Variants in PIP5K1B observed in about 807,000 individuals in gnomAD.
The protein encoded by PIP5K1B is phosphatidylinositol 4-phosphate 5-kinase type-1 beta.
In PIP5K1B, 42 loss-of-function variants were observed where a neutral mutation model predicts 67.0. The observed-to-expected ratio is 0.63, with a 90% confidence interval of 0.49 to 0.81. The LOEUF is 0.81. Ranked by LOEUF, PIP5K1B falls within the 30% of genes least tolerant of loss-of-function variation. The pLI, the probability that PIP5K1B is intolerant of heterozygous loss-of-function variation, is 0.00. For missense variants in PIP5K1B, 459 were observed against 646.3 expected (o/e 0.71, Z 3.14); for synonymous variants, 214 against 231.4 (o/e 0.92, Z 0.68).
chr9:68,845,606 C>T (rs762586411), intron 4 of PIP5K1B, among the ~76,000 whole-genome samples: 1 of 152,174 alleles, frequency 6.6e-6, no homozygotes, highest in Non-Finnish European at 1.5e-5. Context: ...AGCGTGGGAG[C>T]TGCAGGCAGG....
chr9:68,806,167 C>T (rs1249353723), intron 2 of PIP5K1B, among the ~76,000 whole-genome samples: 1 of 152,224 alleles, frequency 6.6e-6, no homozygotes, highest in Non-Finnish European at 1.5e-5. Flanking sequence ...TTGGTTCCTT[C>T]TGCAGCTGGG....
At chr9:68,803,474 G>GA (rs1183601964) in intron 2 of PIP5K1B, among the ~76,000 whole-genome samples, 1 of 152,184 alleles carries the variant, frequency 6.6e-6, no homozygotes, top group Non-Finnish European at 1.5e-5. Flanking sequence ...GAGAGCCCAA[G>GA]AAAAAGTGTT....
intron 2 of PIP5K1B, among the ~76,000 whole-genome samples, chr9:68,756,025 T>C (rs1829907393): frequency 6.6e-6 from 1 of 152,234 alleles, no homozygotes; most frequent in Non-Finnish European, 1.5e-5. Flanking sequence ...TGGCACTGAT[T>C]ACAGACTATT....
At chr9:68,752,645 A>T (rs1421302332) in intron 2 of PIP5K1B, among the ~76,000 whole-genome samples, 1 of 151,844 alleles carries the variant, frequency 6.6e-6, no homozygotes, top group Non-Finnish European at 1.5e-5. Flanking sequence ...CCCATATTTC[A>T]TCTCATCTTT....
chr9:68,840,976 T>C (rs993755576), intron 4 of PIP5K1B, among the ~76,000 whole-genome samples: 1 of 152,220 alleles, frequency 6.6e-6, no homozygotes, highest in African/African-American at 2.4e-5. Flanking sequence ...CCTTTGTCAT[T>C]ACTGTCAGTC....
intron 5 of PIP5K1B, among the ~76,000 whole-genome samples, chr9:68,874,239 C>A (rs1339035765): frequency 6.6e-6 from 1 of 152,190 alleles, no homozygotes; most frequent in African/African-American, 2.4e-5. Context: ...ACAGTTGGCC[C>A]ATACTTCTCC....
At chr9:68,713,574 A>C (rs1827496857) in intron 1 of PIP5K1B, among the ~76,000 whole-genome samples, 1 of 152,160 alleles carries the variant, frequency 6.6e-6, no homozygotes, top group South Asian at 2.1e-4. Context: ...GTGTTGAGGG[A>C]GTGCTATCTG....
intron 2 of PIP5K1B, among the ~76,000 whole-genome samples, chr9:68,753,625 C>A (rs1176689284): frequency 7.3e-6 from 1 of 137,074 alleles, no homozygotes; most frequent in Non-Finnish European, 1.5e-5. Context: ...CCTGGGTTCA[C>A]GCCATTCTCC....
chr9:68,724,189 G>A (rs937168791), intron 1 of PIP5K1B, among the ~76,000 whole-genome samples: 19 of 150,854 alleles, frequency 1.3e-4, no homozygotes, highest in African/African-American at 4.1e-4. Flanking sequence ...GCAAGTGTGT[G>A]GATTGATTTC....
At chr9:68,787,683 A>C (rs1286146581) in intron 2 of PIP5K1B, among the ~76,000 whole-genome samples, 1 of 151,700 alleles carries the variant, frequency 6.6e-6, no homozygotes, top group Non-Finnish European at 1.5e-5. Flanking sequence ...CGCAGGCTGG[A>C]GTGCAGGGGT....
chr9:68,936,107 CAG>C (rs762756589), intron 13 of PIP5K1B: 3 of 152,194 alleles, frequency 2.0e-5, no homozygotes, highest in East Asian at 1.9e-4. Flanking sequence ...TTTTTAAAAA[CAG>C]TATCTTTTTT....
chr9:68,857,604 G>A (rs963224518), intron 4 of PIP5K1B, among the ~76,000 whole-genome samples: 22 of 152,302 alleles, frequency 1.4e-4, no homozygotes, highest in Non-Finnish European at 2.5e-4. Flanking sequence ...GGCGGCTCAC[G>A]CCTGTAATCT....
chr9:68,989,400 G>A (rs1830258092), intron 14 of PIP5K1B, among the ~76,000 whole-genome samples: 1 of 152,058 alleles, frequency 6.6e-6, no homozygotes, highest in African/African-American at 2.4e-5. Context: ...AGAGGAAGAG[G>A]AGAGATGAAG....
intron 4 of PIP5K1B, among the ~76,000 whole-genome samples, chr9:68,836,677 GT>G (rs201605764): frequency 2.2e-3 from 333 of 150,682 alleles, no homozygotes; most frequent in Middle Eastern, 0.014. Flanking sequence ...CATTTTTTTT[GT>G]TTTTTTTTAT....
intron 14 of PIP5K1B, among the ~76,000 whole-genome samples, chr9:68,983,398 G>A (rs1829969279): frequency 1.3e-5 from 2 of 152,138 alleles, no homozygotes; most frequent in South Asian, 4.1e-4. Context: ...GGCAGAGCAA[G>A]GAGAGTTTGC....
At position 68,847,413 on chromosome 9, in the gene PIP5K1B, T is replaced by TTGTGTGTGTGTGTGTGTG. The variant is rs777818994; in HGVS notation, c.70-16390_70-16373dup. Reference sequence around the variant, plus strand: ...TAAATCAGCAACAACAGCAGTGGTTTTGTGTGTGTGTGTGTGTGTGTGTGT... The same window carrying TTGTGTGTGTGTGTGTGTG: ...TAAATCAGCAACAACAGCAGTGGTTTTGTGTGTGTGTGTGTGTGTGTGTGTGTGTGTGTGTGTGTGTGT... On this transcript the variant is annotated intron_variant, in intron 4 of 15. Transcript: ENST00000265382. Among the ~76,000 whole-genome samples the TTGTGTGTGTGTGTGTGTG allele has an allele frequency of 1.8e-3, 179 of 101,640 alleles. 8 individuals are homozygous for TTGTGTGTGTGTGTGTGTG. Among genetic ancestry groups the TTGTGTGTGTGTGTGTGTG allele is most frequent in the East Asian group, 7.9e-3 (25 of 3,172 alleles). 66.7% of individuals were successfully genotyped at this position (101,640 alleles called of 152,430 possible).
At chr9:68,899,258 C>T (rs938163859) in intron 8 of PIP5K1B, among the ~76,000 whole-genome samples, 17 of 152,166 alleles carry the variant, frequency 1.1e-4, no homozygotes, top group African/African-American at 2.9e-4. Flanking sequence ...CCTCCAAGAC[C>T]GTGCTGTTGT....
chr9:68,815,645 C>G (rs1287702363), intron 2 of PIP5K1B, among the ~76,000 whole-genome samples: 1 of 151,604 alleles, frequency 6.6e-6, no homozygotes, highest in African/African-American at 2.4e-5. Flanking sequence ...GAGTTATAAA[C>G]AGAAAAAAAC....
At chr9:68,797,523 T>C (rs913184280) in intron 2 of PIP5K1B, among the ~76,000 whole-genome samples, 1 of 152,220 alleles carries the variant, frequency 6.6e-6, no homozygotes, top group Non-Finnish European at 1.5e-5. Context: ...TATTTCTCAG[T>C]TTTTTAAAAT....
Sources: allele counts gnomAD v4.1 joint callset (sites outside exome capture counted in the v4.1 genomes callset), GRCh38; gene constraint gnomAD v4.1.1; transcripts MANE v1.5; gene names NCBI Gene and HGNC (gene_info 2026-07-23, HGNC 2026-07-21).